Variants in FRYL observed in about 807,000 individuals in gnomAD.
FRYL encodes protein furry homolog-like.
A neutral mutation model predicts 351.2 loss-of-function variants in FRYL; 150 were observed. The ratio of observed to expected loss-of-function variants is 0.43; its 90% CI spans 0.37 to 0.49. The LOEUF (loss-of-function observed/expected upper bound fraction) is 0.49. Among genes scored for constraint, FRYL ranks in the 20% least tolerant of loss-of-function variants. The pLI, the probability that FRYL is intolerant of heterozygous loss-of-function variation, is 0.00. For missense variants in FRYL, 3,036 were observed against 3,619.3 expected, an observed-to-expected ratio of 0.84 and a Z score of 4.13; for synonymous variants, 1,153 against 1,257.1, an observed-to-expected ratio of 0.92 and a Z score of 1.75.
intron 59 of FRYL, among the ~76,000 whole-genome samples, chr4:48,509,300 T>C (rs1721983753): frequency 6.6e-6 from 1 of 152,168 alleles, no homozygotes; most frequent in African/African-American, 2.4e-5. Context: ...AGCAATGTAC[T>C]TGAAGCTACA....
intron 23 of FRYL, among the ~76,000 whole-genome samples, chr4:48,577,382 T>A (rs1739853454): frequency 6.6e-6 from 1 of 152,212 alleles, no homozygotes; most frequent in Non-Finnish European, 1.5e-5. Flanking sequence ...TATGTTAAGG[T>A]AAGTAATGCA....
chr4:48,751,063 G>T (rs1454617371), intron 1 of FRYL, among the ~76,000 whole-genome samples: 2 of 152,074 alleles, frequency 1.3e-5, no homozygotes, highest in African/African-American at 4.8e-5. Flanking sequence ...GATAAAATTA[G>T]CAAAAGAAAG....
Position 48,621,035 on chromosome 4 carries a change from G to A in FRYL, c.175-257C>T, listed in dbSNP as rs570926958. ...TTTTCCCTGCCTCCATATGCCACTCGCACATGTAAAAACATGCCCATTAGT... is the reference window on the plus strand; with the variant it reads ...TTTTCCCTGCCTCCATATGCCACTCACACATGTAAAAACATGCCCATTAGT... On this transcript the variant is annotated intron_variant, in intron 5 of 63. Transcript: ENST00000358350. Among the ~76,000 whole-genome samples the A allele has an allele frequency of 4.7e-4, 72 of 152,220 alleles. 1 individual carries two copies. In the South Asian group the frequency reaches 7.9e-3, roughly 17 times the overall value.
chr4:48,640,588 C>CAAT (rs1221178782), intron 3 of FRYL, among the ~76,000 whole-genome samples: 1 of 152,122 alleles, frequency 6.6e-6, no homozygotes, highest in Non-Finnish European at 1.5e-5. Flanking sequence ...TGTCATTATA[C>CAAT]ATCTGTCAAA....
intron 16 of FRYL, among the ~76,000 whole-genome samples, chr4:48,592,081 CTTATATATATATATAT>C (rs1049369138): frequency 7.7e-4 from 19 of 24,834 alleles, no homozygotes; most frequent in Admixed American, 2.5e-3. Context: ...AAATAAAGCT[CTTATATATATATATAT>C]ATATATATAT....
intron 2 of FRYL, among the ~76,000 whole-genome samples, chr4:48,692,970 A>C (rs1765810602): frequency 6.6e-6 from 1 of 152,208 alleles, no homozygotes; most frequent in Non-Finnish European, 1.5e-5. Context: ...TTTCTCCCTT[A>C]AGAAAAAGTC....
At chr4:48,606,312 AAC>A (rs1207670061) in intron 10 of FRYL, 124 bp downstream of exon 10, 8 of 565,938 alleles carry the variant, frequency 1.4e-5, no homozygotes, top group African/African-American at 3.8e-5. Context: ...AGAACAACTT[AAC>A]ACATGGAATA....
chr4:48,641,103 T>C (rs1380172746), intron 3 of FRYL, among the ~76,000 whole-genome samples: 1 of 152,190 alleles, frequency 6.6e-6, no homozygotes, highest in Admixed American at 6.6e-5. Flanking sequence ...GCCAGTTGAA[T>C]TGGTGACAGT....
At chr4:48,524,501 T>C (rs1189196497) in intron 53 of FRYL, among the ~76,000 whole-genome samples, 1 of 152,216 alleles carries the variant, frequency 6.6e-6, no homozygotes, top group Non-Finnish European at 1.5e-5. Context: ...AGTGAGGAGA[T>C]ATTTTATTAT....
chr4:48,692,299 A>G (rs1223244123), intron 2 of FRYL, among the ~76,000 whole-genome samples: 2 of 152,158 alleles, frequency 1.3e-5, no homozygotes, highest in Non-Finnish European at 2.9e-5. Context: ...TTAGATACAA[A>G]GGCTCTGGAA....
At chr4:48,612,706 G>C (rs1748475482) in intron 7 of FRYL, among the ~76,000 whole-genome samples, 1 of 151,604 alleles carries the variant, frequency 6.6e-6, no homozygotes, top group Non-Finnish European at 1.5e-5. Context: ...AGCCTCCCAA[G>C]TAGCTGGGAC....
chr4:48,560,645 T>C (rs1035804844), intron 33 of FRYL, among the ~76,000 whole-genome samples: 1 of 152,178 alleles, frequency 6.6e-6, no homozygotes, highest in Non-Finnish European at 1.5e-5. Flanking sequence ...ATCACTCATA[T>C]TCATCTTGGA....
At chr4:48,711,938 G>C (rs899632026) in intron 1 of FRYL, among the ~76,000 whole-genome samples, 9 of 152,204 alleles carry the variant, frequency 5.9e-5, no homozygotes, top group Admixed American at 5.9e-4. Context: ...AAACACCGCT[G>C]CTAATACCCA....
At chr4:48,522,835 T>C in intron 54 of FRYL, 66 bp downstream of exon 54, 2 of 1,157,152 alleles carry the variant, frequency 1.7e-6, no homozygotes, top group Admixed American at 1.7e-5. Flanking sequence ...GAAATAATCA[T>C]TAAGAAGTTG....
At chr4:48,765,544 T>G (rs1774862380) in intron 1 of FRYL, among the ~76,000 whole-genome samples, 2 of 151,810 alleles carry the variant, frequency 1.3e-5, no homozygotes, top group South Asian at 4.1e-4. Context: ...ACCATAAAAC[T>G]ACTAGAAAAA....
chr4:48,665,823 GCACTCAT>G (rs1761622611), intron 3 of FRYL, among the ~76,000 whole-genome samples: 1 of 152,202 alleles, frequency 6.6e-6, no homozygotes, highest in African/African-American at 2.4e-5. Context: ...TCTCCATGAA[GCACTCAT>G]CACAAAGTAA....
chr4:48,670,418 G>C (rs1333498115), intron 3 of FRYL, among the ~76,000 whole-genome samples: 1 of 151,316 alleles, frequency 6.6e-6, no homozygotes, highest in Non-Finnish European at 1.5e-5. Flanking sequence ...GGGTGACAGA[G>C]TGAGACTCCA....
In FRYL at chr4:48,603,399, G is replaced by A. The variant is rs772616117; in HGVS notation, c.835-11C>T. The A allele has an allele frequency of 6.7e-7, 1 of 1,497,050 alleles. No homozygotes were observed. Among genetic ancestry groups the A allele is most frequent in the South Asian group, 1.2e-5 (1 of 86,302 alleles). 92.7% of individuals were successfully genotyped at this position (1,497,050 alleles called of 1,614,324 possible). ...TTCATTTTTAACAGCCTAGTAAAAA[G>A]ATAATGCAAACAAAGAAAATGATAC... On this transcript the variant is annotated splice_polypyrimidine_tract_variant and intron_variant, in intron 11 of 63. Transcript: ENST00000358350.
At chr4:48,674,736 C>CAAAA (rs58696045) in intron 3 of FRYL, among the ~76,000 whole-genome samples, 1,979 of 55,758 alleles carry the variant, frequency 0.035, 348 homozygotes, top group Admixed American at 0.052. Flanking sequence ...GACTCTGTCT[C>CAAAA]AAAAAAAAAA....
Sources: allele counts gnomAD v4.1 joint callset (sites outside exome capture counted in the v4.1 genomes callset), GRCh38; gene constraint gnomAD v4.1.1; transcripts MANE v1.5; gene names NCBI Gene and HGNC (gene_info 2026-07-23, HGNC 2026-07-21).